EXOC2: variants seen among roughly 807,000 people sequenced by gnomAD.
EXOC2 encodes SEC5-like 1.
In EXOC2, 70 loss-of-function variants were observed where a neutral mutation model predicts 131.8. That is an observed-to-expected ratio of 0.53 (90% CI 0.44 to 0.65). The LOEUF (loss-of-function observed/expected upper bound fraction) is 0.65. Ranked by LOEUF, EXOC2 falls within the 30% of genes least tolerant of loss-of-function variation. The pLI is 0.00. For missense variants in EXOC2, 923 were observed against 1,108.6 expected (o/e 0.83, Z 2.38); for synonymous variants, 411 against 398.4 (o/e 1.03, Z -0.38).
chr6:584,944 A>G (rs184441099), intron 11 of EXOC2, among the ~76,000 whole-genome samples: 1 of 152,340 alleles, frequency 6.6e-6, no homozygotes, highest in East Asian at 1.9e-4. Flanking sequence ...CACCTTTAAA[A>G]ATCCTGTTTG....
chr6:669,652 C>T (rs1030893303), intron 1 of EXOC2: 16 of 152,394 alleles, frequency 1.0e-4, no homozygotes, highest in Non-Finnish European at 1.9e-4. Flanking sequence ...TGGCAGAGAC[C>T]CTAGGCTGTA....
intron 1 of EXOC2, among the ~76,000 whole-genome samples, chr6:659,218 T>C (rs1763301312): frequency 6.6e-6 from 1 of 152,230 alleles, no homozygotes; most frequent in Non-Finnish European, 1.5e-5. Flanking sequence ...TTAACTGACA[T>C]TGCGTTTGCT....
At chr6:646,809 C>T (rs1357083459) in intron 1 of EXOC2, among the ~76,000 whole-genome samples, 1 of 152,180 alleles carries the variant, frequency 6.6e-6, no homozygotes, top group Non-Finnish European at 1.5e-5. Context: ...GTGTGGAAAG[C>T]TTGTTTTGAC....
chr6:536,756 A>G (rs1766465597), intron 22 of EXOC2, among the ~76,000 whole-genome samples: 1 of 152,224 alleles, frequency 6.6e-6, no homozygotes. Context: ...TATTCAGGAC[A>G]TTGAAGCAGG....
rs756947346 is a variant in EXOC2, at chr6:549,268, T to G, written c.2145A>C (p.Leu715=). The G allele has an allele frequency of 3.5e-5, 56 of 1,614,044 alleles. No individual in the cohort carries two copies. The highest frequency in any genetic ancestry group is 4.5e-5 in the Non-Finnish European group (53 of 1,179,982). The part of the protein sequence containing the change: ...LTSEQRLLIV[L]SNCCYLERHT... ...GACGTTCTAGATAGCAGCAATTACT[T>G]AGGACTATCAAAAGGCGCTGTTCCT... Residue 715 remains leucine (L), a synonymous_variant, in exon 22 of 28, where the codon CTA becomes CTC. Transcript: ENST00000230449.
chr6:555,804 A>C, intron 19 of EXOC2, 150 bp downstream of exon 19: 1 of 715,984 alleles, frequency 1.4e-6, no homozygotes, highest in Non-Finnish European at 2.2e-6. Flanking sequence ...AAACTTTGTT[A>C]CCCACTTACC....
intron 1 of EXOC2, chr6:679,052 C>A (rs1316212495): frequency 1.3e-5 from 2 of 151,848 alleles, no homozygotes; most frequent in Non-Finnish European, 2.9e-5. Flanking sequence ...GTGTATATTA[C>A]AGCTGTTGGG....
intron 1 of EXOC2, among the ~76,000 whole-genome samples, chr6:655,317 T>C (rs1763023231): frequency 6.6e-6 from 1 of 152,258 alleles, no homozygotes. Flanking sequence ...TGAAGTATTT[T>C]AAAATTAAGA....
At chr6:625,518 C>CTTTTTTT (rs796295514) in intron 4 of EXOC2, among the ~76,000 whole-genome samples, 31 of 108,060 alleles carry the variant, frequency 2.9e-4, no homozygotes, top group Non-Finnish European at 4.0e-4. Context: ...TGTTTCCGTT[C>CTTTTTTT]TTTTTTTTTT....
chr6:562,014 C>G (rs548682266), intron 17 of EXOC2, among the ~76,000 whole-genome samples: 1 of 152,318 alleles, frequency 6.6e-6, no homozygotes, highest in Admixed American at 6.5e-5. Flanking sequence ...AGTTATGGCT[C>G]CTGGGAGGGG....
chr6:515,272 C>A (rs373473063), intron 23 of EXOC2, among the ~76,000 whole-genome samples: 1 of 152,138 alleles, frequency 6.6e-6, no homozygotes, highest in Non-Finnish European at 1.5e-5. Context: ...AAAACAAACA[C>A]GCAAACAAAA....
chr6:609,204 C>T (rs756716728), intron 7 of EXOC2, among the ~76,000 whole-genome samples: 9 of 152,178 alleles, frequency 5.9e-5, no homozygotes, highest in Non-Finnish European at 1.0e-4. Context: ...GTTCCACCCA[C>T]GGGACTCACT....
chr6:638,004 A>G, intron 1 of EXOC2, 143 bp from the exon 2 acceptor site: 1 of 572,764 alleles, frequency 1.7e-6, no homozygotes, highest in East Asian at 3.1e-5. Context: ...TCATTTAGCC[A>G]ATCAGCCAAC....
intron 23 of EXOC2, among the ~76,000 whole-genome samples, chr6:505,177 G>C (rs1004537668): frequency 1.3e-5 from 2 of 152,144 alleles, no homozygotes; most frequent in African/African-American, 4.8e-5. Context: ...ATATGGCTGT[G>C]ATGTGCTAGA....
At position 617,744 on chromosome 6, in the gene EXOC2, T is replaced by C. The variant is rs1407127628; in HGVS notation, c.628A>G (p.Ser210Gly). ...GCATCCTGTGCTTCGAAGAATGTAC[T>C]GAGACCGCCTTTCACATAGGCCAGG... ...GSLAYVKGGL[S>G]TFFEAQDALS... is the part of the protein sequence containing the mutation. The change falls in exon 6 of 28, where the codon AGT (serine) becomes GGT (glycine). Residue 210 changes from serine to glycine, a missense_variant. By Grantham distance (56) the Ser-to-Gly change is moderately conservative. Coordinates refer to ENST00000230449, the MANE Select transcript of EXOC2 (RefSeq NM_018303.6). 1.9e-6 allele frequency: 3 copies of C among 1,613,500 alleles called. No individual in the cohort carries two copies. Among genetic ancestry groups the C allele is most frequent in the East Asian group, 4.5e-5 (2 of 44,882 alleles).
At position 582,495 on chromosome 6, in the gene EXOC2, T is replaced by C. The variant is rs373925429; in HGVS notation, c.1193-5613A>G. Among the ~76,000 whole-genome samples, 14 of 152,148 alleles carry C rather than the reference T, an allele frequency of 9.2e-5. No homozygotes were observed. In the South Asian group the frequency reaches 1.0e-3, roughly 11 times the overall value. ...ACATTTTCCTGCGCACAGCGGGCCG[T>C]TGTCCTGCACAGCAGCCCGACCACC... On this transcript the variant is annotated intron_variant, in intron 11 of 27. Transcript: ENST00000230449.
chr6:654,831 A>AAAAAC, intron 1 of EXOC2, among the ~76,000 whole-genome samples: 1 of 144,374 alleles, frequency 6.9e-6, no homozygotes, highest in Non-Finnish European at 1.5e-5. Flanking sequence ...AAAAAAAAAA[A>AAAAAC]AAAAAAGTAG....
intron 7 of EXOC2, among the ~76,000 whole-genome samples, chr6:599,579 T>C (rs1760013432): frequency 6.6e-6 from 1 of 152,192 alleles, no homozygotes; most frequent in African/African-American, 2.4e-5. Flanking sequence ...AACACACACA[T>C]ACGCATGTAT....
intron 1 of EXOC2, among the ~76,000 whole-genome samples, chr6:651,408 C>T (rs976148542): frequency 2.0e-5 from 3 of 152,026 alleles, no homozygotes; most frequent in Non-Finnish European, 2.9e-5. Context: ...AATCCCAACA[C>T]TTTGGGAGGC....
Sources: allele counts gnomAD v4.1 joint callset (sites outside exome capture counted in the v4.1 genomes callset), GRCh38; gene constraint gnomAD v4.1.1; transcripts MANE v1.5; gene names NCBI Gene and HGNC (gene_info 2026-07-23, HGNC 2026-07-21).